Variants in DPP10 observed in about 807,000 individuals in gnomAD.
The protein encoded by DPP10 is inactive dipeptidyl peptidase 10.
A neutral mutation model predicts 120.9 loss-of-function variants in DPP10; 33 were observed. The ratio of observed to expected loss-of-function variants is 0.27; its 90% CI spans 0.21 to 0.37. The LOEUF is 0.37. DPP10 is among the 10% of genes least tolerant of loss of function. The probability of loss-of-function intolerance (pLI) is 1.00; values close to 1 mark genes in which losing one functional copy is unlikely to be tolerated. For synonymous variants in DPP10, 337 were observed against 326.1 expected (o/e 1.03, Z -0.36); for missense variants, 816 against 942.8 (o/e 0.87, Z 1.76).
At chr2:115,028,346 C>G (rs998120772) in intron 1 of DPP10, among the ~76,000 whole-genome samples, 2 of 151,934 alleles carry the variant, frequency 1.3e-5, no homozygotes, top group African/African-American at 4.8e-5. Context: ...TCTTTATGAC[C>G]CATTGATCAT....
intron 5 of DPP10, among the ~76,000 whole-genome samples, chr2:115,573,399 C>A (rs1220820488): frequency 1.4e-5 from 2 of 147,854 alleles, no homozygotes; most frequent in Non-Finnish European, 1.5e-5. Context: ...TCTCCTGCCT[C>A]AGCCTCCCGA....
chr2:114,745,557 T>G (rs1018210736), intron 1 of DPP10, among the ~76,000 whole-genome samples: 9 of 152,116 alleles, frequency 5.9e-5, no homozygotes, highest in African/African-American at 2.2e-4. Context: ...TCTAGAAATT[T>G]TTAATTTTCC....
intron 1 of DPP10, among the ~76,000 whole-genome samples, chr2:114,481,317 T>G (rs1268036980): frequency 1.4e-5 from 2 of 147,708 alleles, no homozygotes; most frequent in Admixed American, 1.4e-4. Flanking sequence ...AATGAAAAAA[T>G]CTTTAACATC....
At chr2:115,334,288 A>G (rs577130577) in intron 2 of DPP10, among the ~76,000 whole-genome samples, 1 of 123,478 alleles carries the variant, frequency 8.1e-6, no homozygotes. Context: ...TAGAAAGAGT[A>G]AGAAAAGGCA....
intron 1 of DPP10, among the ~76,000 whole-genome samples, chr2:114,472,087 G>T (rs767879120): frequency 8.5e-5 from 13 of 152,336 alleles, no homozygotes; most frequent in Non-Finnish European, 1.6e-4. Context: ...CTGTTTAAAT[G>T]CTGGGGTGTA....
intron 1 of DPP10, among the ~76,000 whole-genome samples, chr2:115,294,786 C>G (rs142412467): frequency 1.3e-5 from 2 of 152,112 alleles, no homozygotes; most frequent in East Asian, 3.9e-4. Context: ...AGTATCACTA[C>G]AAAATGAATT....
intron 1 of DPP10, among the ~76,000 whole-genome samples, chr2:114,769,142 AG>A (rs1367504229): frequency 6.6e-6 from 1 of 152,182 alleles, no homozygotes; most frequent in Admixed American, 6.5e-5. Flanking sequence ...GTTTTAGAGT[AG>A]ATTAAATGAA....
intron 1 of DPP10, among the ~76,000 whole-genome samples, chr2:114,574,879 C>A (rs900370390): frequency 6.6e-6 from 1 of 152,120 alleles, no homozygotes; most frequent in Non-Finnish European, 1.5e-5. Flanking sequence ...GTCCATTGGG[C>A]AGGGCACAGC....
At chr2:114,545,660 A>G (rs1169375734) in intron 1 of DPP10, among the ~76,000 whole-genome samples, 1 of 152,182 alleles carries the variant, frequency 6.6e-6, no homozygotes. Flanking sequence ...TTTGCAAAAA[A>G]ACAGTCTAAG....
intron 3 of DPP10, among the ~76,000 whole-genome samples, chr2:115,459,925 T>TTATATATATATATATATATATATA (rs1553418431): frequency 7.7e-6 from 1 of 130,136 alleles, no homozygotes; most frequent in African/African-American, 2.7e-5. Context: ...AACATATATT[T>TTATATATATATATATATATATATA]TATATATATA....
At chr2:114,765,692 A>G (rs1209749364) in intron 1 of DPP10, among the ~76,000 whole-genome samples, 2 of 152,226 alleles carry the variant, frequency 1.3e-5, no homozygotes, top group Non-Finnish European at 2.9e-5. Context: ...AAATAATAAT[A>G]TAATATCGAA....
intron 1 of DPP10, among the ~76,000 whole-genome samples, chr2:114,987,000 G>A (rs1309547443): frequency 2.0e-5 from 3 of 151,800 alleles, no homozygotes; most frequent in Non-Finnish European, 2.9e-5. Flanking sequence ...GGCTTGTCTC[G>A]AACTCCTGAC....
At chr2:114,902,792 T>C (rs1693686695) in intron 1 of DPP10, among the ~76,000 whole-genome samples, 2 of 152,178 alleles carry the variant, frequency 1.3e-5, no homozygotes, top group South Asian at 2.1e-4. Context: ...TAAACTTACA[T>C]TGACATACCA....
rs1040243087 is a variant in DPP10 at position 115,007,435 on chromosome 2, T to A, written c.61-301804T>A. On this transcript the variant is annotated intron_variant, in intron 1 of 25. Coordinates refer to ENST00000410059, the MANE Select transcript of DPP10 (RefSeq NM_020868.6). ...TGATGGGACATATATTTCAAAATAA[T>A]AAGAGCTATCCATGACAAACCCACA... Among the ~76,000 whole-genome samples the A allele has an allele frequency of 5.9e-4, 90 of 152,264 alleles. 4 individuals are homozygous for A. The highest frequency in any genetic ancestry group is 2.0e-3 in the African/African-American group (83 of 41,544).
At chr2:115,831,654 T>C (rs1390467177) in intron 21 of DPP10, among the ~76,000 whole-genome samples, 1 of 152,206 alleles carries the variant, frequency 6.6e-6, no homozygotes. Context: ...TTTGAGTAAA[T>C]GGCATTGCAG....
At chr2:114,947,210 T>C (rs1313275668) in intron 1 of DPP10, among the ~76,000 whole-genome samples, 1 of 152,100 alleles carries the variant, frequency 6.6e-6, no homozygotes, top group Non-Finnish European at 1.5e-5. Context: ...GCAACCTGCG[T>C]ATCTGACCTG....
At chr2:115,490,643 T>A (rs549876124) in intron 3 of DPP10, among the ~76,000 whole-genome samples, 66 of 152,332 alleles carry the variant, frequency 4.3e-4, no homozygotes, top group Non-Finnish European at 7.5e-4. Flanking sequence ...TTAAAGTATT[T>A]TACAAAGTTT....
At chr2:115,124,035 C>T (rs2049954078) in intron 1 of DPP10, among the ~76,000 whole-genome samples, 1 of 151,734 alleles carries the variant, frequency 6.6e-6, no homozygotes, top group Non-Finnish European at 1.5e-5. Flanking sequence ...AATCCTCAAC[C>T]TCCCAGGCTC....
At chr2:115,246,751 T>C (rs888789785) in intron 1 of DPP10, among the ~76,000 whole-genome samples, 6 of 152,160 alleles carry the variant, frequency 3.9e-5, no homozygotes, top group African/African-American at 1.4e-4. Flanking sequence ...TTTTACTATA[T>C]GTATACTTAT....
Sources: gnomAD v4.1 joint callset for allele counts (sites outside exome capture counted in the v4.1 genomes callset) on GRCh38, gnomAD v4.1.1 for gene constraint, MANE v1.5 for transcripts, NCBI Gene and HGNC (gene_info 2026-07-23, HGNC 2026-07-21) for gene names.